The following GRIK4 variants were observed in gnomAD, a reference collection of about 807,000 sequenced individuals.
GRIK4 encodes the protein glutamate receptor ionotropic, kainate 4.
A neutral mutation model predicts 104.9 loss-of-function variants in GRIK4; 40 were observed. The observed-to-expected ratio is 0.38, with a 90% CI of 0.30 to 0.50. The LOEUF is 0.50. Ranked by LOEUF, GRIK4 falls within the 20% of genes least tolerant of loss-of-function variation. The probability of loss-of-function intolerance (pLI) is 0.93; values close to 1 mark genes in which losing one functional copy is unlikely to be tolerated. For missense variants in GRIK4, 1,047 were observed against 1,308.1 expected, an observed-to-expected ratio of 0.80 and a Z score of 3.08; for synonymous variants, 485 against 524.9, an observed-to-expected ratio of 0.92 and a Z score of 1.04.
chr11:120,832,758 T>A (rs1953462384), intron 7 of GRIK4, among the ~76,000 whole-genome samples: 1 of 152,180 alleles, frequency 6.6e-6, no homozygotes, highest in Admixed American at 6.5e-5. Flanking sequence ...TGAGTGAGGC[T>A]GATCCAAGAG....
chr11:120,809,539 A>G (rs1483226606), intron 4 of GRIK4, among the ~76,000 whole-genome samples: 2 of 152,234 alleles, frequency 1.3e-5, no homozygotes, highest in African/African-American at 4.8e-5. Context: ...TAAGACCCTA[A>G]TTCAGTTCCA....
intron 13 of GRIK4, among the ~76,000 whole-genome samples, chr11:120,934,971 T>C (rs1236395755): frequency 2.6e-5 from 4 of 152,206 alleles, no homozygotes; most frequent in African/African-American, 9.7e-5. Flanking sequence ...CCTGAATTTC[T>C]TTCCCTAAAA....
rs776814229 is a variant in GRIK4 at position 120,785,152 on chromosome 11, C to T, written c.83-17541C>T. Among the ~76,000 whole-genome samples, 9 of 152,144 alleles carry T rather than the reference C, an allele frequency of 5.9e-5. No homozygotes were observed. The East Asian group carries it at 7.7e-4, about 13-fold the overall frequency. ...CGGGCCATTAGACAAGACAAATGGG[C>T]AACTCCAGCCCACTGTTCCTTTCCT... On this transcript the variant is annotated intron_variant, in intron 3 of 20. Transcript: ENST00000527524.
chr11:120,680,383 C>T (rs1392074927), intron 3 of GRIK4, among the ~76,000 whole-genome samples: 1 of 152,046 alleles, frequency 6.6e-6, no homozygotes, highest in Admixed American at 6.6e-5. Context: ...GTGCCTGGCC[C>T]GATGGCCTTT....
At chr11:120,947,830 G>A (rs779269472) in intron 14 of GRIK4, among the ~76,000 whole-genome samples, 1 of 152,148 alleles carries the variant, frequency 6.6e-6, no homozygotes, top group Non-Finnish European at 1.5e-5. Flanking sequence ...CAGAGAAGTT[G>A]AGTGACTTGC....
At chr11:120,873,903 C>T (rs533658218) in intron 9 of GRIK4, 163 bp from the exon 10 acceptor site, 9 of 611,368 alleles carry the variant, frequency 1.5e-5, no homozygotes, top group Non-Finnish European at 2.6e-5. Context: ...GTAGAGCTGG[C>T]CCAGAGACAG....
At chr11:120,917,169 C>T (rs1449402653) in intron 13 of GRIK4, among the ~76,000 whole-genome samples, 1 of 147,550 alleles carries the variant, frequency 6.8e-6, no homozygotes, top group Non-Finnish European at 1.5e-5. Flanking sequence ...ATTGCTTGAA[C>T]CCGGGAGGCG....
chr11:120,878,572 T>C (rs1954879360), intron 11 of GRIK4, among the ~76,000 whole-genome samples: 1 of 152,072 alleles, frequency 6.6e-6, no homozygotes, highest in African/African-American at 2.4e-5. Flanking sequence ...TACTCTTGAT[T>C]GGACTTGTGA....
At chr11:120,786,325 A>G (rs926390807) in intron 3 of GRIK4, among the ~76,000 whole-genome samples, 1 of 151,902 alleles carries the variant, frequency 6.6e-6, no homozygotes, top group African/African-American at 2.4e-5. Flanking sequence ...ATCTTACCCA[A>G]TCTCACCATC....
At chr11:120,698,110 C>T (rs1275404151) in intron 3 of GRIK4, among the ~76,000 whole-genome samples, 2 of 152,058 alleles carry the variant, frequency 1.3e-5, no homozygotes, top group South Asian at 4.2e-4. Context: ...GTCCATTTTA[C>T]AAGTGTTTTG....
intron 1 of GRIK4, among the ~76,000 whole-genome samples, chr11:120,633,956 G>A (rs938605518): frequency 2.0e-5 from 3 of 152,174 alleles, no homozygotes; most frequent in African/African-American, 7.2e-5. Flanking sequence ...AGGGCTCTTG[G>A]GGAGAGAGAG....
chr11:120,848,568 G>C (rs920463527), intron 8 of GRIK4, among the ~76,000 whole-genome samples: 3 of 152,136 alleles, frequency 2.0e-5, no homozygotes, highest in African/African-American at 7.2e-5. Flanking sequence ...CTTTCCCCAA[G>C]AGTACCCCAA....
In GRIK4 at chr11:120,923,937, T is replaced by G. The variant is rs183894073; in HGVS notation, c.1477-16410T>G. 3.5e-3 allele frequency among the ~76,000 whole-genome samples: 538 copies of G among 152,212 alleles called. 3 individuals carry two copies. The highest frequency in any genetic ancestry group is 0.01 in the Middle Eastern group (3 of 294). ...CAGCACACTGTCAGGGCATCACTGT[T>G]GAATCTAGGACAGACTGGTCCCTCT... On this transcript the variant is annotated intron_variant, in intron 13 of 20. Coordinates refer to ENST00000527524, the MANE Select transcript of GRIK4 (RefSeq NM_014619.5).
intron 1 of GRIK4, among the ~76,000 whole-genome samples, chr11:120,527,333 G>A (rs376963889): frequency 1.3e-5 from 2 of 152,222 alleles, no homozygotes; most frequent in East Asian, 1.9e-4. Context: ...AAGCAGGGGC[G>A]GGAGCTGGAC....
At chr11:120,629,220 T>C (rs1338152437) in intron 1 of GRIK4, among the ~76,000 whole-genome samples, 1 of 152,150 alleles carries the variant, frequency 6.6e-6, no homozygotes, top group Non-Finnish European at 1.5e-5. Flanking sequence ...GGGCAGTGGT[T>C]GATGATCTGA....
chr11:120,623,602 T>A (rs1949216941), intron 1 of GRIK4, among the ~76,000 whole-genome samples: 1 of 152,222 alleles, frequency 6.6e-6, no homozygotes, highest in African/African-American at 2.4e-5. Flanking sequence ...TCTCTTCTAT[T>A]TCATTAAAGA....
chr11:120,715,067 A>C (rs1461221763), intron 3 of GRIK4, among the ~76,000 whole-genome samples: 2 of 152,178 alleles, frequency 1.3e-5, no homozygotes, highest in Non-Finnish European at 2.9e-5. Context: ...CCCTGTAGGT[A>C]ACTACCTTCA....
chr11:120,682,667 A>T (rs1320376029), intron 3 of GRIK4, among the ~76,000 whole-genome samples: 1 of 150,412 alleles, frequency 6.6e-6, no homozygotes, highest in African/African-American at 2.5e-5. Flanking sequence ...ATTTTGAACC[A>T]TATTCCCAGT....
In GRIK4 at chr11:120,962,619, G is replaced by C. The variant is rs1196767595; in HGVS notation, c.2204G>C (p.Cys735Ser). 5 of 1,614,120 alleles carry C rather than the reference G, an allele frequency of 3.1e-6. No homozygotes were observed. Among genetic ancestry groups the C allele is most frequent in the Non-Finnish European group, 3.4e-6 (4 of 1,180,016 alleles). Residue 735 changes from cysteine to serine, a missense_variant, in exon 18 of 21, where the codon TGC becomes TCC. Transcript: ENST00000527524. ...TMNEYYRQRN[C>S]NLTQIGGLLD... The stretch of plus-strand genomic sequence containing the variant: ...AACGAGTACTATCGGCAGCGAAACT[G>C]CAACCTCACTCAGATTGGGGGCCTG...
Sources: allele counts gnomAD v4.1 joint callset (sites outside exome capture counted in the v4.1 genomes callset), GRCh38; gene constraint gnomAD v4.1.1; transcripts MANE v1.5; gene names NCBI Gene and HGNC (gene_info 2026-07-23, HGNC 2026-07-21).